Variants in SEMA3D observed in about 807,000 individuals in gnomAD.
SEMA3D encodes the protein semaphorin 3D.
SEMA3D carries 84 observed loss-of-function variants against 100.1 expected under a neutral mutation model. The observed-to-expected ratio is 0.84, with a 90% CI of 0.70 to 1.01. The LOEUF is 1.01. Ranked by LOEUF, SEMA3D falls within the 50% of genes least tolerant of loss-of-function variation. SEMA3D has a pLI of 0.00. For missense variants in SEMA3D, 875 were observed against 934.1 expected, an observed-to-expected ratio of 0.94 and a Z score of 0.82; for synonymous variants, 312 against 320.7, an observed-to-expected ratio of 0.97 and a Z score of 0.29.
chr7:85,234,026 A>G, the SEMA3D span, among the ~76,000 whole-genome samples: 1 of 152,190 alleles, frequency 6.6e-6, no homozygotes, highest in Admixed American at 6.5e-5. Context: ...CCTTAGTTTG[A>G]TAATGTTAGA....
Position 85,121,793 on chromosome 7 carries a change from T to C in SEMA3D, c.99A>G (p.Pro33=), listed in dbSNP as rs1285989136. ...MMLSMTMLFL[P]VTGTLKQNIP... ...TATTTTGCTTCAAAGTGCCAGTGAC[T>C]GGAAGAAACAACATGGTCATGCTTA... Residue 33 remains proline, a synonymous_variant, in exon 3 of 19, where the codon CCA becomes CCG. Transcript: ENST00000284136. 1.2e-6 allele frequency: 2 copies of C among 1,609,472 alleles called. No individual in the cohort carries two copies. Among genetic ancestry groups the C allele is most frequent in the Non-Finnish European group, 1.7e-6 (2 of 1,178,202 alleles).
intron 1 of SEMA3D, among the ~76,000 whole-genome samples, chr7:85,180,625 T>C (rs1217811011): frequency 6.6e-6 from 1 of 152,236 alleles, no homozygotes; most frequent in African/African-American, 2.4e-5. Flanking sequence ...ATCCTATTTT[T>C]CTTATTATTT....
chr7:85,204,094 T>C, the SEMA3D span, among the ~76,000 whole-genome samples: 5 of 151,718 alleles, frequency 3.3e-5, no homozygotes, highest in African/African-American at 1.2e-4. Flanking sequence ...CTTTTTATAT[T>C]ACTAATTTAT....
At chr7:85,046,310 A>T (rs1182789800) in intron 9 of SEMA3D, among the ~76,000 whole-genome samples, 1 of 151,942 alleles carries the variant, frequency 6.6e-6, no homozygotes, top group African/African-American at 2.4e-5. Flanking sequence ...TAAGGTAACC[A>T]TGAGAACATT....
chr7:85,000,357 A>G (rs982804722), intron 18 of SEMA3D, among the ~76,000 whole-genome samples: 2 of 152,208 alleles, frequency 1.3e-5, no homozygotes, highest in African/African-American at 4.8e-5. Context: ...GAATAGAACA[A>G]TAATTCCAAG....
intron 5 of SEMA3D, 29 bp downstream of exon 5, chr7:85,081,487 CA>C: frequency 6.9e-7 from 1 of 1,451,184 alleles, no homozygotes; most frequent in Non-Finnish European, 9.7e-7. Flanking sequence ...AGAAGTTTTA[CA>C]AAGATAATTG....
the SEMA3D span, among the ~76,000 whole-genome samples, chr7:85,241,497 A>ATATATATAT: frequency 7.2e-6 from 1 of 138,954 alleles, no homozygotes; most frequent in African/African-American, 2.8e-5. Context: ...ATATATGAAT[A>ATATATATAT]CTACTCAGCA....
At chr7:85,231,435 C>CTTT in the SEMA3D span, among the ~76,000 whole-genome samples, 8 of 137,854 alleles carry the variant, frequency 5.8e-5, no homozygotes, top group Non-Finnish European at 7.6e-5. Context: ...CCAATCTTTC[C>CTTT]CTTTTTTTTT....
At chr7:85,141,065 TTTTA>T in intron 2 of SEMA3D, 1 of 888,208 alleles carries the variant, frequency 1.1e-6, no homozygotes, top group South Asian at 5.2e-5. Context: ...TATGTTTTCA[TTTTA>T]TTTAATATTC....
At chr7:85,183,382 T>C (rs1483980903) in intron 1 of SEMA3D, among the ~76,000 whole-genome samples, 2 of 152,182 alleles carry the variant, frequency 1.3e-5, no homozygotes, top group Non-Finnish European at 2.9e-5. Context: ...CTTTTTAGTT[T>C]TGGAAAAGAA....
the SEMA3D span, among the ~76,000 whole-genome samples, chr7:85,229,076 T>A: frequency 0.15 from 23,112 of 151,974 alleles, 4,034 homozygotes; most frequent in African/African-American, 0.43. Flanking sequence ...TGAAAACTGC[T>A]TTTCTTATTT....
intron 8 of SEMA3D, among the ~76,000 whole-genome samples, chr7:85,057,348 G>A (rs181140600): frequency 1.1e-4 from 16 of 152,258 alleles, no homozygotes; most frequent in African/African-American, 3.8e-4. Context: ...AGAGAGTATG[G>A]TTATTGAGAA....
Position 85,144,048 on chromosome 7 carries a change from T to A in SEMA3D, c.-41+9560A>T, listed in dbSNP as rs10259670. ...TTTTAAATTTTCTTACAGTTATATA[T>A]GAAAGTAAAAAGTAACAGATAAAAC... is the stretch of plus-strand genomic sequence containing the variant. On this transcript the variant is annotated intron_variant, in intron 2 of 18. Transcript: ENST00000284136. 5.3e-3 allele frequency among the ~76,000 whole-genome samples: 811 copies of A among 152,090 alleles called. 11 individuals are homozygous for A. Among genetic ancestry groups the A allele is most frequent in the African/African-American group, 0.019 (770 of 41,504 alleles).
At chr7:85,134,896 T>C (rs1288510316) in intron 2 of SEMA3D, among the ~76,000 whole-genome samples, 2 of 151,956 alleles carry the variant, frequency 1.3e-5, no homozygotes, top group Non-Finnish European at 2.9e-5. Flanking sequence ...TAGAAAGAAC[T>C]ATAGATGTTA....
chr7:85,066,017 G>T (rs1316560043), intron 7 of SEMA3D, among the ~76,000 whole-genome samples: 1 of 152,126 alleles, frequency 6.6e-6, no homozygotes, highest in Non-Finnish European at 1.5e-5. Context: ...CTAACCTCTG[G>T]TGAAAGGGAG....
At chr7:85,116,167 CAG>C (rs771073204) in intron 3 of SEMA3D, among the ~76,000 whole-genome samples, 73 of 149,828 alleles carry the variant, frequency 4.9e-4, no homozygotes, top group African/African-American at 1.5e-3. Context: ...CAATTTGTTT[CAG>C]AGAGAGAGAT....
the SEMA3D span, among the ~76,000 whole-genome samples, chr7:85,229,362 TA>T: frequency 6.6e-6 from 1 of 151,982 alleles, no homozygotes; most frequent in African/African-American, 2.4e-5. Context: ...GCTATTTTTT[TA>T]AAAATACCCT....
intron 6 of SEMA3D, among the ~76,000 whole-genome samples, chr7:85,071,955 A>G (rs185467597): frequency 6.6e-6 from 1 of 152,342 alleles, no homozygotes. Flanking sequence ...TGCTTGCTCT[A>G]GAGATAGACT....
intron 1 of SEMA3D, among the ~76,000 whole-genome samples, chr7:85,163,625 G>T (rs1790807287): frequency 1.3e-5 from 2 of 152,074 alleles, no homozygotes; most frequent in African/African-American, 4.8e-5. Flanking sequence ...AAATTTATCT[G>T]ATCCAAGACA....
Sources: gnomAD v4.1 joint callset for allele counts (sites outside exome capture counted in the v4.1 genomes callset) on GRCh38, gnomAD v4.1.1 for gene constraint, MANE v1.5 for transcripts, NCBI Gene and HGNC (gene_info 2026-07-23, HGNC 2026-07-21) for gene names.